The following HHAT variants were observed in gnomAD, a reference collection of about 807,000 sequenced individuals.
The protein encoded by HHAT is protein-cysteine N-palmitoyltransferase HHAT.
Under a neutral mutation model 70.8 loss-of-function variants are expected in HHAT, and 47 were observed. The observed-to-expected ratio is 0.66, with a 90% CI of 0.53 to 0.85. HHAT has a LOEUF of 0.85. Ranked by LOEUF, HHAT falls within the 40% of genes least tolerant of loss-of-function variation. HHAT has a pLI of 0.00. For missense variants in HHAT, 609 were observed against 604.8 expected (o/e 1.01, Z -0.07); for synonymous variants, 228 against 247.6 (o/e 0.92, Z 0.74).
At chr1:210,374,036 T>A (rs1043044418) in intron 3 of HHAT, 3 of 152,234 alleles carry the variant, frequency 2.0e-5, no homozygotes, top group Admixed American at 2.0e-4. Flanking sequence ...AAACAAGAGT[T>A]AACTGTCTTT....
rs549751257 is a variant in HHAT at position 210,594,451 on chromosome 1, TTAAC to T, written c.1245+6354_1245+6357del. Among the ~76,000 whole-genome samples the T allele has an allele frequency of 1.3e-3, 201 of 152,314 alleles. 1 individual carries two copies. Among genetic ancestry groups the T allele is most frequent in the African/African-American group, 4.5e-3 (188 of 41,558 alleles). On this transcript the variant is annotated intron_variant, in intron 10 of 11. Coordinates refer to ENST00000261458, the MANE Select transcript of HHAT (RefSeq NM_018194.6). ...AGAAAACGAATAAAAACTCTACACT[TTAAC>T]TTTGTTTGCACTGCTTTTAACTTTT...
intron 3 of HHAT, among the ~76,000 whole-genome samples, chr1:210,374,529 G>T (rs1352721984): frequency 1.3e-5 from 2 of 152,172 alleles, no homozygotes; most frequent in African/African-American, 4.8e-5. Context: ...TTCACCGGGT[G>T]CCTTTGGTGC....
chr1:210,487,968 C>T (rs1274304956), intron 8 of HHAT, among the ~76,000 whole-genome samples: 1 of 152,186 alleles, frequency 6.6e-6, no homozygotes, highest in African/African-American at 2.4e-5. Context: ...AACCCCTATT[C>T]TTCTCTGTAG....
At chr1:210,605,710 A>G (rs1665259717) in intron 10 of HHAT, among the ~76,000 whole-genome samples, 1 of 152,222 alleles carries the variant, frequency 6.6e-6, no homozygotes, top group African/African-American at 2.4e-5. Flanking sequence ...TGCAATAAGT[A>G]AATAAATAAG....
At chr1:210,622,061 A>G (rs1397642195) in intron 10 of HHAT, among the ~76,000 whole-genome samples, 3 of 152,202 alleles carry the variant, frequency 2.0e-5, no homozygotes, top group Non-Finnish European at 4.4e-5. Flanking sequence ...ACTGACCATG[A>G]TGCCAAAGCA....
At chr1:210,503,924 GAAGAAAAC>G (rs2094806127) in intron 8 of HHAT, among the ~76,000 whole-genome samples, 1 of 152,146 alleles carries the variant, frequency 6.6e-6, no homozygotes, top group Admixed American at 6.5e-5. Flanking sequence ...GAAACTTTTA[GAAGAAAAC>G]ATAGAAAATT....
intron 8 of HHAT, among the ~76,000 whole-genome samples, chr1:210,505,001 C>T (rs1014282691): frequency 4.0e-5 from 6 of 148,576 alleles, no homozygotes; most frequent in African/African-American, 1.0e-4. Context: ...TGGGTTCAAG[C>T]GATTGTCCTG....
At chr1:210,498,770 T>TTCTC (rs1160332300) in intron 8 of HHAT, among the ~76,000 whole-genome samples, 1 of 126,592 alleles carries the variant, frequency 7.9e-6, no homozygotes, top group Non-Finnish European at 1.6e-5. Context: ...CTGTTTTTTT[T>TTCTC]TTTCTTTTTT....
intron 7 of HHAT, among the ~76,000 whole-genome samples, chr1:210,445,003 C>A (rs1003096502): frequency 6.6e-6 from 1 of 152,120 alleles, no homozygotes; most frequent in Non-Finnish European, 1.5e-5. Context: ...TCACACCCAG[C>A]TAATTTTTGT....
intron 3 of HHAT, among the ~76,000 whole-genome samples, chr1:210,376,368 G>A (rs751616160): frequency 3.4e-4 from 51 of 152,136 alleles, no homozygotes; most frequent in African/African-American, 1.2e-3. Flanking sequence ...CCTTACATTC[G>A]TTTTATATGT....
chr1:210,650,490 T>C (rs978611158), intron 11 of HHAT, among the ~76,000 whole-genome samples: 1 of 152,132 alleles, frequency 6.6e-6, no homozygotes, highest in Non-Finnish European at 1.5e-5. Flanking sequence ...AGGTCACCCT[T>C]AAAAAGGGTT....
chr1:210,332,623 CT>C (rs1441330433), intron 1 of HHAT, among the ~76,000 whole-genome samples: 2 of 152,214 alleles, frequency 1.3e-5, no homozygotes, highest in African/African-American at 4.8e-5. Flanking sequence ...ATAATTGCTT[CT>C]GTTCTTTGTG....
At chr1:210,493,152 G>A (rs2148518275) in intron 8 of HHAT, among the ~76,000 whole-genome samples, 1 of 152,066 alleles carries the variant, frequency 6.6e-6, no homozygotes, top group East Asian at 1.9e-4. Context: ...CATCCAAGCA[G>A]AGACAGTAAA....
At chr1:210,572,560 T>G (rs986252906) in intron 9 of HHAT, among the ~76,000 whole-genome samples, 3 of 152,166 alleles carry the variant, frequency 2.0e-5, no homozygotes, top group East Asian at 3.8e-4. Context: ...AGGAAACAGT[T>G]TGTTACCTTG....
At chr1:210,454,542 A>C (rs2093823000) in intron 7 of HHAT, among the ~76,000 whole-genome samples, 1 of 152,124 alleles carries the variant, frequency 6.6e-6, no homozygotes, top group Non-Finnish European at 1.5e-5. Context: ...TGACAGAATG[A>C]GACTTTGTCT....
intron 10 of HHAT, among the ~76,000 whole-genome samples, chr1:210,615,195 C>T (rs187014058): frequency 6.6e-6 from 1 of 152,280 alleles, no homozygotes; most frequent in Admixed American, 6.5e-5. Context: ...TGTCTTTTGG[C>T]TGCATTAAAT....
intron 9 of HHAT, among the ~76,000 whole-genome samples, chr1:210,576,626 CTGCACGTTG>C (rs1230849778): frequency 1.3e-5 from 2 of 151,958 alleles, no homozygotes; most frequent in Non-Finnish European, 2.9e-5. Flanking sequence ...TGTAACAAAC[CTGCACGTTG>C]TGCACATGTA....
rs773194370 is a variant in HHAT, at chr1:210,329,074, T to TGCCGTC, written c.-69_-64dup. The TGCCGTC allele has an allele frequency of 2.0e-5, 28 of 1,428,564 alleles. No individual in the cohort carries two copies. The highest frequency in any genetic ancestry group is 2.6e-5 in the Non-Finnish European group (28 of 1,090,724). 88.5% of individuals were successfully genotyped at this position (1,428,564 alleles called of 1,614,324 possible). ...GGGAACTCGCGGCGCGCGTGAACGT[T>TGCCGTC]GCCGTCGCCGCCGCCCGGGACAGCC... On this transcript the variant is annotated 5_prime_UTR_variant, in exon 1 of 12. Coordinates refer to ENST00000261458, the MANE Select transcript of HHAT (RefSeq NM_018194.6).
intron 9 of HHAT, among the ~76,000 whole-genome samples, chr1:210,517,459 T>C (rs112418821): frequency 0.012 from 1,863 of 152,194 alleles, 41 homozygotes; most frequent in African/African-American, 0.042. Context: ...CTGTCTCTTT[T>C]AAGACAAAGG....
Sources: allele counts gnomAD v4.1 joint callset (sites outside exome capture counted in the v4.1 genomes callset), GRCh38; gene constraint gnomAD v4.1.1; transcripts MANE v1.5; gene names NCBI Gene and HGNC (gene_info 2026-07-23, HGNC 2026-07-21).